The following TMTC1 variants were observed in gnomAD, a reference collection of about 807,000 sequenced individuals.
The protein encoded by TMTC1 is transmembrane O-mannosyltransferase targeting cadherins 1, also known as protein O-mannosyl-transferase TMTC1.
In TMTC1, 73 loss-of-function variants were observed where a neutral mutation model predicts 104.8. That is an observed-to-expected ratio of 0.70 (90% confidence interval 0.58 to 0.85). The LOEUF (loss-of-function observed/expected upper bound fraction) is 0.85. Among genes scored for constraint, TMTC1 ranks in the 40% least tolerant of loss-of-function variants. The pLI is 0.00. For missense variants in TMTC1, 1,035 were observed against 1,096.1 expected, an observed-to-expected ratio of 0.94 and a Z score of 0.79; for synonymous variants, 434 against 428.7, an observed-to-expected ratio of 1.01 and a Z score of -0.15.
intron 5 of TMTC1, chr12:29,666,228 C>CTTTTTTTTTTTTTTTTTTTTTTTTTT (rs751968439): frequency 5.5e-6 from 2 of 365,798 alleles, no homozygotes; most frequent in Non-Finnish European, 1.0e-5. Flanking sequence ...TTTCTTTTTT[C>CTTTTTTTTTTTTTTTTTTTTTTTTTT]TTTTTTTTTT....
intron 5 of TMTC1, among the ~76,000 whole-genome samples, chr12:29,684,119 C>T (rs2136727133): frequency 6.6e-6 from 1 of 152,326 alleles, no homozygotes; most frequent in South Asian, 2.1e-4. Flanking sequence ...GCTGCGATTA[C>T]AGGCATGAGC....
intron 5 of TMTC1, among the ~76,000 whole-genome samples, chr12:29,717,189 C>T (rs190995): frequency 0.99 from 150,963 of 152,328 alleles, 74,815 homozygotes; most frequent in Middle Eastern, 1. Context: ...ACATCAACAA[C>T]ATATGGGAAA....
intron 11 of TMTC1, chr12:29,535,412 T>C (rs1311003575): frequency 1.3e-5 from 2 of 152,210 alleles, no homozygotes; most frequent in African/African-American, 2.4e-5. Flanking sequence ...TAATTTTGCT[T>C]CTTGCTGGAG....
At chr12:29,516,529 C>T (rs2304457) in intron 14 of TMTC1, 43 bp from the exon 15 acceptor site, 54,518 of 1,572,104 alleles carry the variant, frequency 0.035, 1,513 homozygotes, top group Admixed American at 0.13. Flanking sequence ...GACTTCATTA[C>T]CTTATCAAAT....
chr12:29,710,906 A>T (rs1232707471), intron 5 of TMTC1, among the ~76,000 whole-genome samples: 1 of 21,306 alleles, frequency 4.7e-5, no homozygotes, highest in Non-Finnish European at 7.9e-5. Flanking sequence ...AAATATATTA[A>T]TAATATATAA....
At chr12:29,643,544 C>A (rs1158428868) in intron 5 of TMTC1, among the ~76,000 whole-genome samples, 5 of 52,002 alleles carry the variant, frequency 9.6e-5, no homozygotes, top group South Asian at 5.0e-4. Flanking sequence ...TAATATATAT[C>A]ACATATATGT....
At chr12:29,537,491 A>G (rs1040371394) in intron 10 of TMTC1, among the ~76,000 whole-genome samples, 1 of 152,192 alleles carries the variant, frequency 6.6e-6, no homozygotes, top group African/African-American at 2.4e-5. Flanking sequence ...ATCATACCAT[A>G]TCTGCTGATT....
At chr12:29,576,791 A>G (rs903870004) in intron 8 of TMTC1, among the ~76,000 whole-genome samples, 1 of 152,164 alleles carries the variant, frequency 6.6e-6, no homozygotes, top group African/African-American at 2.4e-5. Context: ...CCTTACTATT[A>G]ATACAAAAAA....
At chr12:29,625,321 C>T (rs1435059859) in intron 6 of TMTC1, among the ~76,000 whole-genome samples, 4 of 152,138 alleles carry the variant, frequency 2.6e-5, no homozygotes, top group African/African-American at 9.7e-5. Flanking sequence ...GGATTATTCC[C>T]ACTTCGAGAG....
Position 29,642,798 on chromosome 12 carries a change from G to A in TMTC1, c.939-9462C>T, listed in dbSNP as rs1938916400. 2.6e-5 allele frequency among the ~76,000 whole-genome samples: 4 copies of A among 152,006 alleles called. No individual in the cohort carries two copies. In the South Asian group the frequency reaches 8.3e-4, roughly 32 times the overall value. On this transcript the variant is annotated intron_variant, in intron 5 of 17. Transcript: ENST00000539277. Reference sequence around the variant, plus strand: ...AAATTAGCCGGGCGTGGTGGCGGGCGCCTGTGGTCCCAGCTATTCAGGAGG... The same window carrying A: ...AAATTAGCCGGGCGTGGTGGCGGGCACCTGTGGTCCCAGCTATTCAGGAGG...
chr12:29,768,994 C>T (rs1229186298), intron 1 of TMTC1, among the ~76,000 whole-genome samples: 1 of 152,172 alleles, frequency 6.6e-6, no homozygotes, highest in African/African-American at 2.4e-5. Context: ...CTAAGTGGTG[C>T]TGCCTACAGT....
chr12:29,646,652 A>C (rs1413332900), intron 5 of TMTC1, among the ~76,000 whole-genome samples: 1 of 152,150 alleles, frequency 6.6e-6, no homozygotes, highest in Non-Finnish European at 1.5e-5. Flanking sequence ...ATGACGACGT[A>C]GTTTCGTTCT....
intron 3 of TMTC1, among the ~76,000 whole-genome samples, chr12:29,757,306 T>G (rs1442776275): frequency 3.9e-5 from 6 of 152,218 alleles, no homozygotes; most frequent in Admixed American, 1.3e-4. Context: ...AGATAATTCT[T>G]TGTTGTAGGG....
chr12:29,730,746 C>G (rs939680615), intron 5 of TMTC1, among the ~76,000 whole-genome samples: 2 of 152,230 alleles, frequency 1.3e-5, no homozygotes, highest in Non-Finnish European at 2.9e-5. Flanking sequence ...GTAATAATAA[C>G]AGCTGTTAGC....
At chr12:29,518,148 A>G (rs1334900247) in intron 13 of TMTC1, among the ~76,000 whole-genome samples, 1 of 152,192 alleles carries the variant, frequency 6.6e-6, no homozygotes, top group African/African-American at 2.4e-5. Context: ...TCATGTGTGC[A>G]TAGTTTTTCA....
At chr12:29,543,949 T>TA (rs201167148) in intron 10 of TMTC1, among the ~76,000 whole-genome samples, 3,040 of 152,166 alleles carry the variant, frequency 0.02, 36 homozygotes, top group Non-Finnish European at 0.033. Flanking sequence ...AAAAGAATTT[T>TA]AAAAAATATT....
chr12:29,588,818 C>T (rs897724717), intron 7 of TMTC1, among the ~76,000 whole-genome samples: 2 of 152,170 alleles, frequency 1.3e-5, no homozygotes, highest in African/African-American at 4.8e-5. Context: ...CCCTATGGAT[C>T]ACCTTTATTA....
At chr12:29,663,181 G>A (rs549542018) in intron 5 of TMTC1, among the ~76,000 whole-genome samples, 3 of 152,292 alleles carry the variant, frequency 2.0e-5, no homozygotes, top group African/African-American at 7.2e-5. Flanking sequence ...CCTGCTCAGC[G>A]TCCTTCTCTC....
intron 5 of TMTC1, among the ~76,000 whole-genome samples, chr12:29,740,682 G>A (rs1942802040): frequency 6.6e-6 from 1 of 152,086 alleles, no homozygotes; most frequent in African/African-American, 2.4e-5. Flanking sequence ...GTCTCTCTAT[G>A]TTGCCAGGCC....
Sources: gnomAD v4.1 joint callset for allele counts (sites outside exome capture counted in the v4.1 genomes callset) on GRCh38, gnomAD v4.1.1 for gene constraint, MANE v1.5 for transcripts, NCBI Gene and HGNC (gene_info 2026-07-23, HGNC 2026-07-21) for gene names.